The following KIAA0586 variants were observed in gnomAD, a reference collection of about 807,000 sequenced individuals.
KIAA0586 encodes the protein protein TALPID3.
Under a neutral mutation model 169.8 loss-of-function variants are expected in KIAA0586, and 144 were observed. The ratio of observed to expected loss-of-function variants is 0.85; its 90% CI spans 0.74 to 0.97. The LOEUF is 0.97. Ranked by LOEUF, KIAA0586 falls within the 50% of genes least tolerant of loss-of-function variation. The probability of loss-of-function intolerance (pLI) is 0.00; values close to 1 mark genes in which losing one functional copy is unlikely to be tolerated. For missense variants in KIAA0586, 1,854 were observed against 1,823.0 expected, an observed-to-expected ratio of 1.02 and a Z score of -0.31; for synonymous variants, 625 against 612.4, an observed-to-expected ratio of 1.02 and a Z score of -0.30.
rs76974995 is a variant in KIAA0586 at position 58,490,897 on chromosome 14, G to A, written c.3858+657G>A. On this transcript the variant is annotated intron_variant, in intron 25 of 30. Coordinates refer to ENST00000652326, the MANE Select transcript of KIAA0586 (RefSeq NM_001329943.3). ...CTATGTTTATTCACATCTTTTTAAAGCATTGTTGCTGTTTTTTTAAGTTAT... is the reference window on the plus strand; with the variant it reads ...CTATGTTTATTCACATCTTTTTAAAACATTGTTGCTGTTTTTTTAAGTTAT... Among the ~76,000 whole-genome samples the A allele has an allele frequency of 3.7e-4, 56 of 152,092 alleles. 1 individual carries two copies. The East Asian group carries it at 7.5e-3, about 20-fold the overall frequency.
At chr14:58,516,111 G>A (rs536688349) in intron 29 of KIAA0586, among the ~76,000 whole-genome samples, 29 of 152,218 alleles carry the variant, frequency 1.9e-4, no homozygotes, top group Middle Eastern at 3.4e-3. Context: ...TTTTTAAGTG[G>A]GTTTCTAAAG....
At position 58,486,989 on chromosome 14, in the gene KIAA0586, T is replaced by C. The variant is rs761249391; in HGVS notation, c.3145-18T>C. 2 of 1,574,556 alleles carry C rather than the reference T, an allele frequency of 1.3e-6. No homozygotes were observed. The highest frequency in any genetic ancestry group is 8.6e-7 in the Non-Finnish European group (1 of 1,159,404). On this transcript the variant is annotated intron_variant, in intron 21 of 30. Transcript: ENST00000652326. The stretch of plus-strand genomic sequence containing the variant: ...TGGGTGATTATAAACACAGTTTATC[T>C]TGTTTTATTTATTTTAGGCAAGAGT...
At position 58,448,371 on chromosome 14, in the gene KIAA0586, G is replaced by A; in HGVS notation, c.839G>A (p.Ser280Asn). The change falls in exon 7 of 31, where the codon AGT becomes AAT. Residue 280 changes from serine to asparagine, a missense_variant. Ser to Asn is a conservative substitution (Grantham distance 46, BLOSUM62 1). Coordinates refer to ENST00000652326, the MANE Select transcript of KIAA0586 (RefSeq NM_001329943.3). ...TTTATTAGTGCTGCACTCAAGACTA[G>A]TAGTTTTCAGCCTGTTAGTATGCCC... is the stretch of plus-strand genomic sequence containing the variant. ...THFISAALKT[S>N]SFQPVSMPSS... is the part of the protein sequence containing the mutation. The A allele has an allele frequency of 6.2e-7, 1 of 1,602,360 alleles. No homozygotes were observed. The highest frequency in any genetic ancestry group is 2.2e-5 in the East Asian group (1 of 44,744).
intron 8 of KIAA0586, among the ~76,000 whole-genome samples, chr14:58,453,045 G>A (rs2039530664): frequency 1.3e-5 from 2 of 151,660 alleles, no homozygotes; most frequent in South Asian, 4.2e-4. Flanking sequence ...AGCCTCCCAA[G>A]CAGCTGAGAT....
At chr14:58,440,854 A>T (rs868217290) in intron 4 of KIAA0586, 17 of 152,636 alleles carry the variant, frequency 1.1e-4, no homozygotes, top group African/African-American at 4.1e-4. Context: ...GGTGGGGAGA[A>T]AGTGGGGGAT....
At chr14:58,449,804 A>C (rs555618633) in intron 7 of KIAA0586, among the ~76,000 whole-genome samples, 2 of 152,220 alleles carry the variant, frequency 1.3e-5, no homozygotes, top group African/African-American at 2.4e-5. Flanking sequence ...TTGAGTTTTC[A>C]TGAAAAAGGT....
At chr14:58,537,655 C>CT (rs956420971) in intron 29 of KIAA0586, among the ~76,000 whole-genome samples, 58 of 148,574 alleles carry the variant, frequency 3.9e-4, no homozygotes, top group Middle Eastern at 3.5e-3. Context: ...AAGCACTTTT[C>CT]TTTTTTTTTT....
Position 58,448,446 on chromosome 14 carries a change from T to G in KIAA0586, c.914T>G (p.Leu305Arg). The G allele has an allele frequency of 6.2e-7, 1 of 1,612,490 alleles. No individual in the cohort carries two copies. The highest frequency in any genetic ancestry group is 2.2e-5 in the East Asian group (1 of 44,822). ...TCCGTAAAACCAGAACACCCTAATC[T>G]TGGTAGCTGTAATCCATCTTTATAT... ...KYSVKPEHPNLGSCNPSLYNT... is the reference protein window; with the variant it reads ...KYSVKPEHPNRGSCNPSLYNT... Residue 305 changes from leucine (L) to arginine (R), a missense_variant, in exon 7 of 31, where the codon CTT becomes CGT. Leu to Arg is a moderately radical substitution (Grantham distance 102). Transcript: ENST00000652326.
chr14:58,525,765 C>T (rs1181970453), intron 29 of KIAA0586, among the ~76,000 whole-genome samples: 3 of 152,218 alleles, frequency 2.0e-5, no homozygotes, highest in Admixed American at 6.5e-5. Flanking sequence ...TGGTCTACCT[C>T]AGCGGATTCC....
intron 21 of KIAA0586, among the ~76,000 whole-genome samples, 188 bp from the exon 22 acceptor site, chr14:58,486,819 G>A (rs2042477565): frequency 6.6e-6 from 1 of 152,190 alleles, no homozygotes; most frequent in African/African-American, 2.4e-5. Flanking sequence ...CAGAGGCAGA[G>A]TTATTTCAAT....
Position 58,482,420 on chromosome 14 carries a change from C to T in KIAA0586, c.2945-93C>T, listed in dbSNP as rs553451516. On this transcript the variant is annotated intron_variant, in intron 20 of 30. Coordinates refer to ENST00000652326, the MANE Select transcript of KIAA0586 (RefSeq NM_001329943.3). ...CAGCCTGGGTGACAGAGTGACACTACGTCTCGAGAAAAATAATAATAATAA... is the reference window on the plus strand; with the variant it reads ...CAGCCTGGGTGACAGAGTGACACTATGTCTCGAGAAAAATAATAATAATAA... The T allele has an allele frequency of 7.8e-5, 76 of 979,214 alleles. 2 individuals are homozygous for T. In the South Asian group the frequency reaches 8.0e-4, roughly 10 times the overall value. 60.7% of individuals were successfully genotyped at this position (979,214 alleles called of 1,614,324 possible). A position where few individuals can be genotyped will look rare whatever the true frequency, so the allele number is the denominator to read the frequency against.
chr14:58,537,155 A>G, intron 29 of KIAA0586: 1 of 1,074,140 alleles, frequency 9.3e-7, no homozygotes, highest in Non-Finnish European at 1.1e-6. Flanking sequence ...CTCGTAAATC[A>G]ACAAGTGAGA....
Position 58,521,372 on chromosome 14 carries a change from G to A in KIAA0586, c.4429+8745G>A, listed in dbSNP as rs368832328. The A allele has an allele frequency of 8.3e-6, 8 of 965,272 alleles. 1 individual carries two copies. The highest frequency in any genetic ancestry group is 3.0e-5 in the East Asian group (1 of 33,096). The allele number at this position is 965,272 out of a possible 1,614,324, so 59.8% of individuals were successfully genotyped here. A position where few individuals can be genotyped will look rare whatever the true frequency, so the allele number is the denominator to read the frequency against. On this transcript the variant is annotated intron_variant, in intron 29 of 30. Coordinates refer to ENST00000652326, the MANE Select transcript of KIAA0586 (RefSeq NM_001329943.3). ...AAATTGTGGGCTGCTCTGTTCATAA[G>A]GGCTTTGCCTTTGTTTAGTATGTTA...
At chr14:58,489,131 A>G (rs1283332650) in intron 24 of KIAA0586, among the ~76,000 whole-genome samples, 2 of 151,926 alleles carry the variant, frequency 1.3e-5, no homozygotes, top group South Asian at 2.1e-4. Flanking sequence ...TTTTTTGTCT[A>G]TGCATATATA....
At chr14:58,431,076 T>G (rs906890182) in intron 3 of KIAA0586, among the ~76,000 whole-genome samples, 6 of 152,224 alleles carry the variant, frequency 3.9e-5, no homozygotes, top group Non-Finnish European at 8.8e-5. Flanking sequence ...AATTTTCTTC[T>G]TAAGGGTAGA....
At chr14:58,512,053 C>T (rs1012466160) in intron 28 of KIAA0586, among the ~76,000 whole-genome samples, 1 of 152,002 alleles carries the variant, frequency 6.6e-6, no homozygotes, top group African/African-American at 2.4e-5. Context: ...ATAACAATAC[C>T]TACTCACACT....
chr14:58,467,886 G>A lies in KIAA0586; in HGVS notation c.2406G>A (p.Lys802=), dbSNP rs1202308164. The A allele has an allele frequency of 1.2e-6, 2 of 1,612,554 alleles. No homozygotes were observed. The highest frequency in any genetic ancestry group is 1.7e-6 in the Non-Finnish European group (2 of 1,179,414). Residue 802 remains lysine, a synonymous_variant, in exon 16 of 31, where the codon AAG becomes AAA. Transcript: ENST00000652326. The part of the protein sequence containing the change: ...KKPNIAIVEM[K]SEKKDPPQLT... Reference sequence around the variant, plus strand: ...CTAACATAGCCATTGTAGAAATGAAGTCAGAAAAAAAGGATCCTCCTCAGC... The same window carrying A: ...CTAACATAGCCATTGTAGAAATGAAATCAGAAAAAAAGGATCCTCCTCAGC...
intron 27 of KIAA0586, 102 bp from the exon 28 acceptor site, chr14:58,508,453 C>T (rs2044155255): frequency 1.1e-6 from 1 of 880,740 alleles, no homozygotes; most frequent in Non-Finnish European, 1.7e-6. Context: ...AGTTCTAATT[C>T]AGCAGGTGAG....
chr14:58,435,126 A>G (rs191174418), intron 4 of KIAA0586, among the ~76,000 whole-genome samples: 3 of 152,266 alleles, frequency 2.0e-5, no homozygotes, highest in East Asian at 1.9e-4. Context: ...ACAAAAGCCT[A>G]GCACGTCTAA....
Sources: gnomAD v4.1 joint callset for allele counts (sites outside exome capture counted in the v4.1 genomes callset) on GRCh38, gnomAD v4.1.1 for gene constraint, MANE v1.5 for transcripts, NCBI Gene and HGNC (gene_info 2026-07-23, HGNC 2026-07-21) for gene names.